SRGAP3: variants seen among roughly 807,000 people sequenced by gnomAD.
SRGAP3 encodes the protein SLIT-ROBO Rho GTPase-activating protein 3.
SRGAP3 carries 39 observed loss-of-function variants against 121.1 expected under a neutral mutation model. The ratio of observed to expected loss-of-function variants is 0.32; its 90% confidence interval spans 0.25 to 0.42. The LOEUF is 0.42. SRGAP3 is among the 10% of genes least tolerant of loss of function. The pLI is 1.00. For synonymous variants in SRGAP3, 601 were observed against 570.0 expected, an observed-to-expected ratio of 1.05 and a Z score of -0.77; for missense variants, 1,213 against 1,470.6, an observed-to-expected ratio of 0.82 and a Z score of 2.86.
At chr3:9,008,270 G>A in intron 18 of SRGAP3, 1 of 152,484 alleles carries the variant, frequency 6.6e-6, no homozygotes, top group Non-Finnish European at 1.5e-5. Context: ...CGCTGACCCA[G>A]CAAGCCCTAT....
chr3:9,344,836 A>C (rs1328828939), intron 1 of SRGAP3, among the ~76,000 whole-genome samples: 2 of 152,156 alleles, frequency 1.3e-5, no homozygotes, highest in Non-Finnish European at 2.9e-5. Context: ...GGAAATCAAG[A>C]CCATCCTGGC....
chr3:9,337,364 T>G (rs1354762719), intron 1 of SRGAP3, among the ~76,000 whole-genome samples: 1 of 152,172 alleles, frequency 6.6e-6, no homozygotes, highest in African/African-American at 2.4e-5. Flanking sequence ...AATATGGACT[T>G]ATTATCTGTG....
chr3:9,284,907 G>A (rs570667718), intron 3 of SRGAP3, among the ~76,000 whole-genome samples: 2 of 151,876 alleles, frequency 1.3e-5, no homozygotes, highest in Non-Finnish European at 2.9e-5. Flanking sequence ...GGGGTCTGTG[G>A]CACATACTTT....
chr3:9,224,605 C>A lies in SRGAP3; in HGVS notation c.67+24280G>T, dbSNP rs4684628. ...GAAAGGCCCCAAGAAAGGGCGAGTC[C>A]TTAAACAGAGAGATAAGGGAAAAGT... On this transcript the variant is annotated intron_variant, in intron 1 of 21. Transcript: ENST00000383836. Among the ~76,000 whole-genome samples, 745 of 152,084 alleles carry A rather than the reference C, an allele frequency of 4.9e-3. 5 individuals carry two copies. The highest frequency in any genetic ancestry group is 9.4e-3 in the South Asian group (45 of 4,812).
At chr3:9,050,114 C>CA (rs1945497597) in intron 9 of SRGAP3, among the ~76,000 whole-genome samples, 1 of 152,232 alleles carries the variant, frequency 6.6e-6, no homozygotes. Flanking sequence ...GTTGGGATTA[C>CA]AGGCATGAGC....
At chr3:9,047,693 T>C (rs910547627) in intron 9 of SRGAP3, among the ~76,000 whole-genome samples, 6 of 152,174 alleles carry the variant, frequency 3.9e-5, no homozygotes, top group African/African-American at 1.4e-4. Context: ...CTTGGAGGGC[T>C]CCAGGCCTTT....
intron 3 of SRGAP3, among the ~76,000 whole-genome samples, chr3:9,298,257 C>G (rs1954986358): frequency 1.3e-5 from 2 of 152,078 alleles, no homozygotes; most frequent in African/African-American, 4.8e-5. Context: ...AGTATGTGCT[C>G]AAGAAATGTA....
At chr3:9,117,221 A>C (rs1174988349) in intron 2 of SRGAP3, among the ~76,000 whole-genome samples, 1 of 152,194 alleles carries the variant, frequency 6.6e-6, no homozygotes, top group African/African-American at 2.4e-5. Context: ...ACTCCTTTTC[A>C]CATTTATATG....
intron 9 of SRGAP3, among the ~76,000 whole-genome samples, chr3:9,048,530 A>G (rs983807193): frequency 5.9e-5 from 9 of 152,250 alleles, no homozygotes; most frequent in African/African-American, 2.2e-4. Flanking sequence ...ACGGATAAAA[A>G]GAAAGCAGAG....
upstream of SRGAP3, among the ~76,000 whole-genome samples, chr3:9,254,592 G>A (rs982726620): frequency 4.6e-5 from 7 of 152,076 alleles, no homozygotes; most frequent in South Asian, 2.1e-4. Context: ...TCAGGAGTTC[G>A]AGACCAGTCT....
intron 3 of SRGAP3, among the ~76,000 whole-genome samples, chr3:9,274,285 C>G (rs1371226361): frequency 1.3e-5 from 2 of 152,210 alleles, no homozygotes; most frequent in Non-Finnish European, 2.9e-5. Context: ...AGAATATTTC[C>G]CTGACCCCTT....
chr3:9,051,710 CT>C (rs36044423), intron 9 of SRGAP3, among the ~76,000 whole-genome samples: 6,921 of 102,958 alleles, frequency 0.067, 346 homozygotes, highest in African/African-American at 0.23. Flanking sequence ...TTGCTCAATT[CT>C]TTTTTTTTTT....
chr3:9,226,016 C>T (rs532232723), intron 1 of SRGAP3, among the ~76,000 whole-genome samples: 1 of 152,214 alleles, frequency 6.6e-6, no homozygotes, highest in Non-Finnish European at 1.5e-5. Flanking sequence ...ACACCTGAGG[C>T]TGGATCGGGC....
At chr3:9,271,571 T>G (rs1954478533) in intron 3 of SRGAP3, among the ~76,000 whole-genome samples, 1 of 152,194 alleles carries the variant, frequency 6.6e-6, no homozygotes, top group Admixed American at 6.5e-5. Context: ...CTTCCAAGCC[T>G]GCCACCCTCA....
chr3:9,247,539 G>T (rs1460730325), intron 1 of SRGAP3, among the ~76,000 whole-genome samples: 3 of 152,322 alleles, frequency 2.0e-5, no homozygotes, highest in African/African-American at 7.2e-5. Context: ...TCTGAAGCGT[G>T]TATGGCAGCT....
chr3:9,345,800 A>G (rs867203841), intron 1 of SRGAP3, among the ~76,000 whole-genome samples: 28 of 151,516 alleles, frequency 1.8e-4, no homozygotes, highest in South Asian at 8.3e-4. Context: ...AAAAAAAAAA[A>G]AAAAGAAAAG....
At chr3:8,999,874 TAAAAAG>T (rs1009664237) in intron 18 of SRGAP3, among the ~76,000 whole-genome samples, 22 of 151,798 alleles carry the variant, frequency 1.4e-4, no homozygotes, top group African/African-American at 4.6e-4. Flanking sequence ...AGAAAAAATA[TAAAAAG>T]AAAAAGAAAA....
At chr3:9,056,111 G>A in intron 8 of SRGAP3, 122 bp downstream of exon 8, 1 of 844,218 alleles carries the variant, frequency 1.2e-6, no homozygotes, top group Non-Finnish European at 2.0e-6. Flanking sequence ...TAATGATCGT[G>A]TACTATTCCA....
chr3:9,164,976 C>T (rs1575171186), intron 1 of SRGAP3, among the ~76,000 whole-genome samples: 1 of 152,376 alleles, frequency 6.6e-6, no homozygotes, highest in Middle Eastern at 3.4e-3. Context: ...CTCTGGGTCT[C>T]CAGGTGAGTG....
Sources: allele counts gnomAD v4.1 joint callset (sites outside exome capture counted in the v4.1 genomes callset), GRCh38; gene constraint gnomAD v4.1.1; transcripts MANE v1.5; gene names NCBI Gene and HGNC (gene_info 2026-07-23, HGNC 2026-07-21).